LUZP2: variants seen among roughly 807,000 people sequenced by gnomAD.
The protein encoded by LUZP2 is leucine zipper protein 2.
In LUZP2, 52 loss-of-function variants were observed where a neutral mutation model predicts 51.6. That is an observed-to-expected ratio of 1.01 (90% CI 0.81 to 1.27). LUZP2 has a LOEUF of 1.27. Ranked by LOEUF, LUZP2 falls within the 50% of genes most tolerant of loss-of-function variation. LUZP2 has a pLI of 0.00. For missense variants in LUZP2, 436 were observed against 395.4 expected (o/e 1.10, Z -0.87); for synonymous variants, 154 against 137.3 (o/e 1.12, Z -0.85).
chr11:24,724,107 G>A (rs1324170052), intron 1 of LUZP2, among the ~76,000 whole-genome samples: 2 of 152,106 alleles, frequency 1.3e-5, no homozygotes, highest in African/African-American at 2.4e-5. Context: ...TTAAATTTCC[G>A]AGGTGTTTAG....
intron 1 of LUZP2, among the ~76,000 whole-genome samples, chr11:24,643,482 C>A (rs976919523): frequency 6.6e-6 from 1 of 152,048 alleles, no homozygotes; most frequent in Non-Finnish European, 1.5e-5. Context: ...AGGCTACTTA[C>A]CCCATGTAAC....
intron 9 of LUZP2, among the ~76,000 whole-genome samples, chr11:25,044,058 TAG>T (rs375875025): frequency 7.2e-4 from 21 of 29,098 alleles, no homozygotes; most frequent in Middle Eastern, 0.017. Context: ...CTGATATATA[TAG>T]AGTCTATATA....
intron 1 of LUZP2, among the ~76,000 whole-genome samples, chr11:24,613,093 T>A (rs1854173451): frequency 6.6e-6 from 1 of 152,116 alleles, no homozygotes; most frequent in African/African-American, 2.4e-5. Flanking sequence ...TATTTCTCCC[T>A]CTCTAACTTC....
intron 1 of LUZP2, among the ~76,000 whole-genome samples, chr11:24,533,394 A>G (rs1216324692): frequency 6.6e-6 from 1 of 151,290 alleles, no homozygotes; most frequent in Non-Finnish European, 1.5e-5. Context: ...CATGAAATTG[A>G]TATTTTCATA....
chr11:24,666,365 G>A (rs185830179), intron 1 of LUZP2, among the ~76,000 whole-genome samples: 26 of 152,190 alleles, frequency 1.7e-4, no homozygotes, highest in Admixed American at 8.5e-4. Context: ...TTTAGTCATT[G>A]ATTTTATAAG....
At chr11:24,827,902 T>A (rs1850589251) in intron 5 of LUZP2, among the ~76,000 whole-genome samples, 1 of 152,040 alleles carries the variant, frequency 6.6e-6, no homozygotes, top group Non-Finnish European at 1.5e-5. Flanking sequence ...GAAATGAATG[T>A]CACTCTAGAC....
At chr11:24,648,449 G>A (rs1483584107) in intron 1 of LUZP2, among the ~76,000 whole-genome samples, 2 of 151,896 alleles carry the variant, frequency 1.3e-5, no homozygotes, top group Admixed American at 1.3e-4. Context: ...TCTAGCCAAT[G>A]GCCTCTTTTC....
intron 5 of LUZP2, among the ~76,000 whole-genome samples, chr11:24,849,792 T>C (rs1851329221): frequency 6.6e-6 from 1 of 152,206 alleles, no homozygotes; most frequent in Non-Finnish European, 1.5e-5. Flanking sequence ...CATTTGTTGT[T>C]TCCTGACATT....
intron 9 of LUZP2, among the ~76,000 whole-genome samples, chr11:25,017,136 C>A (rs1857184465): frequency 6.6e-6 from 1 of 151,898 alleles, no homozygotes; most frequent in South Asian, 2.1e-4. Flanking sequence ...TTTTTTCTTG[C>A]TGATTTGTTT....
intron 5 of LUZP2, among the ~76,000 whole-genome samples, chr11:24,865,027 G>T (rs533311984): frequency 6.6e-6 from 1 of 152,118 alleles, no homozygotes; most frequent in African/African-American, 2.4e-5. Flanking sequence ...CTTATTCTAC[G>T]TTTATTACTG....
intron 1 of LUZP2, among the ~76,000 whole-genome samples, chr11:24,500,458 C>T (rs913214990): frequency 6.6e-6 from 1 of 152,086 alleles, no homozygotes; most frequent in Non-Finnish European, 1.5e-5. Flanking sequence ...TTAAGATAGC[C>T]TTGTTGTATA....
chr11:25,047,351 T>A (rs1203546718), intron 9 of LUZP2, among the ~76,000 whole-genome samples: 1 of 43,328 alleles, frequency 2.3e-5, no homozygotes, highest in Admixed American at 2.3e-4. Flanking sequence ...TTTTTTTTTT[T>A]TTTACTTTTT....
At chr11:24,856,411 A>G (rs1326076411) in intron 5 of LUZP2, among the ~76,000 whole-genome samples, 1 of 152,170 alleles carries the variant, frequency 6.6e-6, no homozygotes, top group Non-Finnish European at 1.5e-5. Flanking sequence ...CAGAATGGCT[A>G]TTATTAAAAA....
rs918809217 is a variant in LUZP2 at position 25,022,427 on chromosome 11, A to G, written c.766-27611A>G. The stretch of plus-strand genomic sequence containing the variant: ...ATGAAACATTTATTACTAGCCTGAA[A>G]TGGAAGGGTATGTATAAGGCATTAG... On this transcript the variant is annotated intron_variant, in intron 9 of 11. Transcript: ENST00000336930. 3.9e-5 allele frequency among the ~76,000 whole-genome samples: 6 copies of G among 152,140 alleles called. No individual in the cohort carries two copies. The South Asian group carries it at 8.3e-4, about 21-fold the overall frequency.
chr11:24,681,270 C>T (rs1481395820), intron 1 of LUZP2, among the ~76,000 whole-genome samples: 3 of 152,086 alleles, frequency 2.0e-5, no homozygotes, highest in Non-Finnish European at 4.4e-5. Context: ...TGTGAGCCAC[C>T]GCGCCCGGCC....
chr11:24,740,902 A>T (rs924193359), intron 4 of LUZP2, among the ~76,000 whole-genome samples: 1 of 152,088 alleles, frequency 6.6e-6, no homozygotes, highest in Non-Finnish European at 1.5e-5. Flanking sequence ...TGCACTGTTG[A>T]GCAGAAGATG....
At chr11:25,008,380 C>G (rs534820271) in intron 9 of LUZP2, among the ~76,000 whole-genome samples, 1 of 152,198 alleles carries the variant, frequency 6.6e-6, no homozygotes, top group Non-Finnish European at 1.5e-5. Flanking sequence ...AAGGCCTGAG[C>G]CCAACACCCA....
rs148679833 is a variant in LUZP2, at chr11:24,970,688, C to T, written c.523-5903C>T. ...TCTGCTTCATCCAACACAGTTATACCTTCATGTTTCCCAGAAGAAAACAGA... is the reference window on the plus strand; with the variant it reads ...TCTGCTTCATCCAACACAGTTATACTTTCATGTTTCCCAGAAGAAAACAGA... On this transcript the variant is annotated intron_variant, in intron 7 of 11. Transcript: ENST00000336930. Among the ~76,000 whole-genome samples the T allele has an allele frequency of 4.4e-3, 677 of 152,208 alleles. 3 individuals carry two copies. Among genetic ancestry groups the T allele is most frequent in the Non-Finnish European group, 5.7e-3 (388 of 68,024 alleles).
chr11:24,596,692 A>G (rs1853455262), intron 1 of LUZP2, among the ~76,000 whole-genome samples: 1 of 152,208 alleles, frequency 6.6e-6, no homozygotes, highest in South Asian at 2.1e-4. Context: ...GTGTTAATCA[A>G]AAACAAATTT....
Sources: allele counts gnomAD v4.1 joint callset (sites outside exome capture counted in the v4.1 genomes callset), GRCh38; gene constraint gnomAD v4.1.1; transcripts MANE v1.5; gene names NCBI Gene and HGNC (gene_info 2026-07-23, HGNC 2026-07-21).